Variants in SGCZ observed in about 807,000 individuals in gnomAD.
SGCZ encodes zeta-sarcoglycan.
Under a neutral mutation model 41.3 loss-of-function variants are expected in SGCZ, and 40 were observed. That is an observed-to-expected ratio of 0.97 (90% confidence interval 0.75 to 1.26). The LOEUF is 1.26. Among genes scored for constraint, SGCZ ranks in the 50% most tolerant of loss-of-function variants. SGCZ has a pLI of 0.00. For missense variants in SGCZ, 552 were observed against 369.8 expected, an observed-to-expected ratio of 1.49 and a Z score of -4.04; for synonymous variants, 206 against 137.5, an observed-to-expected ratio of 1.50 and a Z score of -3.49.
At chr8:14,890,170 T>C (rs113147871) in intron 1 of SGCZ, among the ~76,000 whole-genome samples, 1,821 of 148,960 alleles carry the variant, frequency 0.012, 27 homozygotes, top group African/African-American at 0.042. Context: ...TGAGCAGAGA[T>C]TGCACCACTG....
intron 4 of SGCZ, among the ~76,000 whole-genome samples, chr8:14,230,433 GGC>G (rs1806520371): frequency 1.3e-5 from 2 of 152,018 alleles, no homozygotes; most frequent in Non-Finnish European, 2.9e-5. Context: ...TACTATATGA[GGC>G]AAATACTCAT....
At chr8:14,352,044 A>G (rs553911866) in intron 2 of SGCZ, among the ~76,000 whole-genome samples, 36 of 152,270 alleles carry the variant, frequency 2.4e-4, no homozygotes, top group Non-Finnish European at 4.3e-4. Context: ...ATAGTAGAAT[A>G]GTTGTAAACA....
chr8:14,928,242 A>G (rs1173114568), intron 1 of SGCZ, among the ~76,000 whole-genome samples: 1 of 152,220 alleles, frequency 6.6e-6, no homozygotes, highest in Non-Finnish European at 1.5e-5. Flanking sequence ...AAATATTTCA[A>G]TCAGAATGTT....
chr8:14,475,177 G>C (rs975279728), intron 2 of SGCZ, among the ~76,000 whole-genome samples: 1 of 152,012 alleles, frequency 6.6e-6, no homozygotes, highest in Admixed American at 6.6e-5. Flanking sequence ...AAAAGCAAAA[G>C]AATTATATTT....
intron 2 of SGCZ, among the ~76,000 whole-genome samples, chr8:14,391,319 T>C (rs1804762405): frequency 6.6e-6 from 1 of 152,136 alleles, no homozygotes; most frequent in African/African-American, 2.4e-5. Flanking sequence ...AAAAGTTGTA[T>C]ACAATTATTA....
intron 3 of SGCZ, among the ~76,000 whole-genome samples, chr8:14,259,583 C>T (rs1444228887): frequency 7.4e-6 from 1 of 134,552 alleles, no homozygotes; most frequent in Non-Finnish European, 1.7e-5. Flanking sequence ...TTCCCCATTG[C>T]TTGTTTTTGT....
intron 1 of SGCZ, among the ~76,000 whole-genome samples, chr8:15,202,539 T>A (rs961660722): frequency 1.3e-5 from 2 of 152,062 alleles, no homozygotes; most frequent in African/African-American, 4.8e-5. Context: ...GACTACACAT[T>A]GGGTACAATG....
intron 1 of SGCZ, among the ~76,000 whole-genome samples, chr8:14,994,541 G>C (rs964521472): frequency 6.6e-6 from 1 of 151,288 alleles, no homozygotes; most frequent in African/African-American, 2.4e-5. Context: ...TCGAGATTGT[G>C]CCACTGCACT....
At chr8:15,070,902 G>T (rs1805328262) in intron 1 of SGCZ, among the ~76,000 whole-genome samples, 1 of 152,118 alleles carries the variant, frequency 6.6e-6, no homozygotes, top group Non-Finnish European at 1.5e-5. Flanking sequence ...TTAGCCAGAA[G>T]TCCTCAGACA....
In SGCZ at chr8:14,577,384, C is replaced by CTTT. The variant is rs57432939; in HGVS notation, c.40-22461_40-22459dup. Among the ~76,000 whole-genome samples the CTTT allele has an allele frequency of 2.0e-3, 226 of 111,840 alleles. 2 individuals are homozygous for CTTT. The highest frequency in any genetic ancestry group is 3.9e-3 in the African/African-American group (109 of 27,986). The allele number at this position is 111,840 out of a possible 152,430, so 73.4% of individuals were successfully genotyped here. A position where few individuals can be genotyped will look rare whatever the true frequency, so the allele number is the denominator to read the frequency against. On this transcript the variant is annotated intron_variant, in intron 1 of 7. Coordinates refer to ENST00000382080, the MANE Select transcript of SGCZ (RefSeq NM_139167.4). ...GAAATAAGAAAGAAAAGAAATATATCTTTTTTTTTTTTTTTTTTTTTTGAG... is the reference window on the plus strand; with the variant it reads ...GAAATAAGAAAGAAAAGAAATATATCTTTTTTTTTTTTTTTTTTTTTTTTTGAG...
In SGCZ at chr8:14,273,753, C is replaced by A. The variant is rs559635978; in HGVS notation, c.337-36074G>T. On this transcript the variant is annotated intron_variant, in intron 3 of 7. Transcript: ENST00000382080. ...AAAGAAACACAGGCAATATCCAATGCAGCCTAGATACTAAGTGTAAAAACT... is the reference window on the plus strand; with the variant it reads ...AAAGAAACACAGGCAATATCCAATGAAGCCTAGATACTAAGTGTAAAAACT... Among the ~76,000 whole-genome samples the A allele has an allele frequency of 4.6e-5, 7 of 152,198 alleles. No homozygotes were observed. In the East Asian group the frequency reaches 1.4e-3, roughly 29 times the overall value.
At chr8:14,551,725 C>G (rs1194662147) in intron 2 of SGCZ, among the ~76,000 whole-genome samples, 4 of 95,268 alleles carry the variant, frequency 4.2e-5, no homozygotes, top group East Asian at 2.6e-4. Context: ...AGTCTTTCAT[C>G]CTGTAATATA....
chr8:14,698,723 G>GTA (rs1203129502), intron 1 of SGCZ, among the ~76,000 whole-genome samples: 1 of 151,856 alleles, frequency 6.6e-6, no homozygotes, highest in Admixed American at 6.6e-5. Context: ...ATCAGCACAA[G>GTA]TATGTTGTGC....
chr8:14,678,570 C>A (rs1808345974), intron 1 of SGCZ, among the ~76,000 whole-genome samples: 1 of 152,204 alleles, frequency 6.6e-6, no homozygotes, highest in Non-Finnish European at 1.5e-5. Flanking sequence ...AAAAGCAATT[C>A]TCATCCATTG....
At chr8:15,053,839 T>G (rs968177812) in intron 1 of SGCZ, among the ~76,000 whole-genome samples, 2 of 152,174 alleles carry the variant, frequency 1.3e-5, no homozygotes, top group Admixed American at 1.3e-4. Context: ...ATACACACAC[T>G]TATGAGTTTG....
At chr8:14,451,477 A>T (rs913299666) in intron 2 of SGCZ, among the ~76,000 whole-genome samples, 2 of 152,154 alleles carry the variant, frequency 1.3e-5, no homozygotes, top group African/African-American at 4.8e-5. Flanking sequence ...CTACCTTTTC[A>T]TTTTAAATGT....
intron 5 of SGCZ, among the ~76,000 whole-genome samples, chr8:14,138,123 C>G (rs1803257993): frequency 6.6e-6 from 1 of 152,106 alleles, no homozygotes; most frequent in South Asian, 2.1e-4. Flanking sequence ...TACAGACAAG[C>G]AAATGCTGAC....
chr8:15,192,025 A>G (rs1029802671), intron 1 of SGCZ, among the ~76,000 whole-genome samples: 2 of 152,122 alleles, frequency 1.3e-5, no homozygotes, highest in African/African-American at 4.8e-5. Flanking sequence ...TGTGGTGAAG[A>G]TTAAATGAGT....
intron 6 of SGCZ, among the ~76,000 whole-genome samples, chr8:14,105,571 A>C (rs1357369251): frequency 6.6e-6 from 1 of 152,072 alleles, no homozygotes; most frequent in Non-Finnish European, 1.5e-5. Context: ...TCATTATACA[A>C]ATAAATAATT....
Sources: gnomAD v4.1 joint callset for allele counts (sites outside exome capture counted in the v4.1 genomes callset) on GRCh38, gnomAD v4.1.1 for gene constraint, MANE v1.5 for transcripts, NCBI Gene and HGNC (gene_info 2026-07-23, HGNC 2026-07-21) for gene names.